Variants in ALDH18A1 observed in about 807,000 individuals in gnomAD.
ALDH18A1 encodes the protein aldehyde dehydrogenase 18 family member A1, also known as delta-1-pyrroline-5-carboxylate synthase.
In ALDH18A1, 44 loss-of-function variants were observed where a neutral mutation model predicts 88.8. The observed-to-expected ratio is 0.50, with a 90% CI of 0.39 to 0.64. ALDH18A1 has a LOEUF of 0.64. Among genes scored for constraint, ALDH18A1 ranks in the 30% least tolerant of loss-of-function variants. The probability of loss-of-function intolerance (pLI) is 0.00; values close to 1 mark genes in which losing one functional copy is unlikely to be tolerated. For missense variants in ALDH18A1, 782 were observed against 1,009.5 expected (o/e 0.77, Z 3.05); for synonymous variants, 331 against 372.1 (o/e 0.89, Z 1.27).
intron 2 of ALDH18A1, among the ~76,000 whole-genome samples, chr10:95,643,779 G>A (rs1026786742): frequency 1.3e-5 from 2 of 152,030 alleles, no homozygotes; most frequent in Non-Finnish European, 2.9e-5. Flanking sequence ...AGTTTATGCA[G>A]TAAAGATGCA....
chr10:95,607,771 G>A (rs2097825536), intron 17 of ALDH18A1, among the ~76,000 whole-genome samples: 1 of 152,144 alleles, frequency 6.6e-6, no homozygotes, highest in Admixed American at 6.6e-5. Flanking sequence ...GGATGGTCAG[G>A]GAAAGCCTCC....
Position 95,614,147 on chromosome 10 carries a change from T to G in ALDH18A1, c.1620A>C (p.Glu540Asp), listed in dbSNP as rs779125066. 1 of 1,614,186 alleles carries G rather than the reference T, an allele frequency of 6.2e-7. No individual in the cohort carries two copies. Among genetic ancestry groups the G allele is most frequent in the African/African-American group, 1.3e-5 (1 of 75,042 alleles). ...CTAGGCGGCAAAGATCTTCAACTTCTTCTCTGGTATTCACCTTTAGAAGGA... is the reference window on the plus strand; with the variant it reads ...CTAGGCGGCAAAGATCTTCAACTTCGTCTCTGGTATTCACCTTTAGAAGGA... The part of the protein sequence containing the change: ...KEAVQLVNTR[E>D]EVEDLCRLDK... The change falls in exon 14 of 18, where the codon GAA becomes GAC. Residue 540 changes from glutamate (E) to aspartate (D), a missense_variant. This residue lies in a region of ALDH18A1 where 556 missense variants were observed against 654.5 expected (regional missense o/e 0.85). Transcript: ENST00000371224.
intron 12 of ALDH18A1, among the ~76,000 whole-genome samples, chr10:95,617,916 G>C (rs1009902097): frequency 2.6e-5 from 4 of 152,170 alleles, no homozygotes; most frequent in Non-Finnish European, 4.4e-5. Context: ...TATGTGGCCA[G>C]AGAGGTAGTG....
chr10:95,645,753 C>G (rs145453770), intron 2 of ALDH18A1, among the ~76,000 whole-genome samples: 199 of 152,014 alleles, frequency 1.3e-3, no homozygotes, highest in Admixed American at 2.5e-3. Context: ...AAGCCATCAT[C>G]TGGGATGGAA....
chr10:95,610,339 AC>A (rs751255086), intron 16 of ALDH18A1, 47 bp from the exon 17 acceptor site: 1 of 1,578,786 alleles, frequency 6.3e-7, no homozygotes, highest in Admixed American at 1.7e-5. Flanking sequence ...TACCCAGAGA[AC>A]ATCCCTGTTT....
intron 2 of ALDH18A1, among the ~76,000 whole-genome samples, chr10:95,652,102 T>C (rs185887278): frequency 6.6e-6 from 1 of 152,342 alleles, no homozygotes; most frequent in East Asian, 1.9e-4. Flanking sequence ...AGAATTATGC[T>C]GAAGAAAACA....
At chr10:95,633,704 C>A in intron 5 of ALDH18A1, 55 bp from the exon 6 acceptor site, 1 of 1,595,172 alleles carries the variant, frequency 6.3e-7, no homozygotes, top group African/African-American at 1.3e-5. Flanking sequence ...CTAAACTTCC[C>A]AGTATACAAA....
chr10:95,634,152 A>G (rs1035810411), intron 5 of ALDH18A1, among the ~76,000 whole-genome samples: 2 of 152,246 alleles, frequency 1.3e-5, no homozygotes, highest in Non-Finnish European at 2.9e-5. Flanking sequence ...GACTTCTTGC[A>G]AAAGTACTTT....
In ALDH18A1 at chr10:95,625,431, C is replaced by A; in HGVS notation, c.1177G>T (p.Ala393Ser). 6.2e-7 allele frequency: 1 copy of A among 1,613,888 alleles called. No individual in the cohort carries two copies. The highest frequency in any genetic ancestry group is 8.5e-7 in the Non-Finnish European group (1 of 1,179,920). The change falls in exon 11 of 18, where the codon GCT becomes TCT. Residue 393 changes from alanine (A) to serine (S), a missense_variant. Physicochemically the swap from Ala to Ser is moderately conservative, Grantham distance 99 (BLOSUM62 1). Around this residue, in one of 3 missense-constraint regions of ALDH18A1, gnomAD observed 556 missense variants for 654.5 expected, o/e 0.85. Transcript: ENST00000371224. ...TCACGCTGGTCCGTCAACAGATCAGCCAGATGATGGATAATTTCTGCTCTC... is the reference window on the plus strand; with the variant it reads ...TCACGCTGGTCCGTCAACAGATCAGACAGATGATGGATAATTTCTGCTCTC... ...EQRAEIIHHL[A>S]DLLTDQRDEI...
intron 7 of ALDH18A1, among the ~76,000 whole-genome samples, chr10:95,631,472 C>T (rs1208605285): frequency 2.0e-5 from 3 of 152,006 alleles, no homozygotes; most frequent in South Asian, 2.1e-4. Flanking sequence ...AGGCCGGGCG[C>T]GGTGGCTCAC....
chr10:95,649,399 G>A (rs1271552329), intron 2 of ALDH18A1, among the ~76,000 whole-genome samples: 1 of 141,278 alleles, frequency 7.1e-6, no homozygotes, highest in Non-Finnish European at 1.5e-5. Context: ...CTGTCACCCA[G>A]GCTAGAGTGC....
chr10:95,653,280 T>C lies in ALDH18A1; in HGVS notation c.88+10A>G, dbSNP rs372316632. 6 of 1,603,736 alleles carry C rather than the reference T, an allele frequency of 3.7e-6. No individual in the cohort carries two copies. In the African/African-American group the frequency reaches 6.7e-5, roughly 18 times the overall value. ...GTCCCACATACTCATAAGTTTTCTA[T>C]GGTACATACGAGATCTGAAGACGGT... On this transcript the variant is annotated intron_variant, in intron 2 of 17. Coordinates refer to ENST00000371224, the MANE Select transcript of ALDH18A1 (RefSeq NM_002860.4).
chr10:95,620,736 A>G (rs71628997), intron 12 of ALDH18A1, among the ~76,000 whole-genome samples: 1 of 149,912 alleles, frequency 6.7e-6, no homozygotes, highest in Non-Finnish European at 1.5e-5. Flanking sequence ...TGGGAACTGA[A>G]CAATGAGAAC....
chr10:95,633,478 A>C lies in ALDH18A1; in HGVS notation c.717+13T>G. 1 of 1,614,122 alleles carries C rather than the reference A, an allele frequency of 6.2e-7. No individual in the cohort carries two copies. Among genetic ancestry groups the C allele is most frequent in the Non-Finnish European group, 8.5e-7 (1 of 1,180,014 alleles). The stretch of plus-strand genomic sequence containing the variant: ...TCTCCAGCATGCTAAACCCTTAGAA[A>C]TACTTTACCCACATTTACCCCCTGC... On this transcript the variant is annotated intron_variant, in intron 6 of 17. Transcript: ENST00000371224.
chr10:95,615,292 T>C lies in ALDH18A1; in HGVS notation c.1606-1131A>G, dbSNP rs375752882. On this transcript the variant is annotated intron_variant, in intron 13 of 17. Transcript: ENST00000371224. ...GGCTGCAGTGAGCCGAGAGCCAAGATTGTGCCACTGAATTCCAGTCTGGGC... is the reference window on the plus strand; with the variant it reads ...GGCTGCAGTGAGCCGAGAGCCAAGACTGTGCCACTGAATTCCAGTCTGGGC... Among the ~76,000 whole-genome samples, 132 of 151,368 alleles carry C rather than the reference T, an allele frequency of 8.7e-4. 1 individual carries two copies. Among genetic ancestry groups the C allele is most frequent in the African/African-American group, 3.0e-3 (122 of 41,184 alleles).
At chr10:95,614,254 ACTCTG>A in intron 13 of ALDH18A1, 93 bp from the exon 14 acceptor site, 13 of 1,283,926 alleles carry the variant, frequency 1.0e-5, no homozygotes, top group Non-Finnish European at 1.3e-5. Context: ...ACATCTGTAC[ACTCTG>A]AGAACTAAGT....
In ALDH18A1 at chr10:95,612,376, A is replaced by G. The variant is rs532369502; in HGVS notation, c.1924-934T>C. Among the ~76,000 whole-genome samples, 5 of 152,338 alleles carry G rather than the reference A, an allele frequency of 3.3e-5. 1 individual carries two copies. The highest frequency in any genetic ancestry group is 1.2e-4 in the African/African-American group (5 of 41,580). On this transcript the variant is annotated intron_variant, in intron 15 of 17. Transcript: ENST00000371224. ...ACCGAGGATCCCAATCACAAGCTGG[A>G]TCCCACTTAAACCTTGTTTTCTGAG...
At chr10:95,619,487 C>T (rs1204071164) in intron 12 of ALDH18A1, among the ~76,000 whole-genome samples, 1 of 152,190 alleles carries the variant, frequency 6.6e-6, no homozygotes, top group Non-Finnish European at 1.5e-5. Context: ...CAAGACAATC[C>T]TAAGCAAAAA....
intron 3 of ALDH18A1, 96 bp from the exon 4 acceptor site, chr10:95,637,532 C>T (rs1484083323): frequency 1.4e-6 from 2 of 1,451,260 alleles, no homozygotes; most frequent in Non-Finnish European, 1.9e-6. Flanking sequence ...TCGAGTAGAT[C>T]CCAAATGCTG....
Sources: gnomAD v4.1 joint callset for allele counts (sites outside exome capture counted in the v4.1 genomes callset) on GRCh38, gnomAD v4.1.1 for gene constraint, gnomAD v4.1.1 regional missense constraint, MANE v1.5 for transcripts, NCBI Gene and HGNC (gene_info 2026-07-23, HGNC 2026-07-21) for gene names.